Variants in EPSTI1 observed in about 807,000 individuals in gnomAD.
EPSTI1 encodes epithelial stromal interaction 1.
In EPSTI1, 66 loss-of-function variants were observed where a neutral mutation model predicts 49.9. The observed-to-expected ratio is 1.32, with a 90% CI of 1.08 to 1.62. The LOEUF is 1.62. Among genes scored for constraint, EPSTI1 ranks in the 40% most tolerant of loss-of-function variants. The probability of loss-of-function intolerance (pLI) is 0.00; values close to 1 mark genes in which losing one functional copy is unlikely to be tolerated. For missense variants in EPSTI1, 394 were observed against 365.5 expected (o/e 1.08, Z -0.64); for synonymous variants, 137 against 130.7 (o/e 1.05, Z -0.33).
chr13:42,976,423 C>T (rs768043664), intron 1 of EPSTI1, among the ~76,000 whole-genome samples: 28 of 152,266 alleles, frequency 1.8e-4, no homozygotes, highest in Middle Eastern at 3.4e-3. Context: ...TCCAACAAAA[C>T]GTAAGTGTAC....
chr13:42,955,018 A>G lies in EPSTI1; in HGVS notation c.490-997T>C, dbSNP rs569254283. Among the ~76,000 whole-genome samples, 3 of 152,296 alleles carry G rather than the reference A, an allele frequency of 2.0e-5. No homozygotes were observed. In the South Asian group the frequency reaches 6.2e-4, roughly 32 times the overall value. On this transcript the variant is annotated intron_variant, in intron 5 of 10. Transcript: ENST00000313624. ...GAAAGTCTTCATTCACTCAAAACTA[A>G]TTACTAGTCCCATTTTGAAAGGCAA...
At chr13:42,911,002 C>A (rs968755648) in intron 8 of EPSTI1, among the ~76,000 whole-genome samples, 3 of 152,150 alleles carry the variant, frequency 2.0e-5, no homozygotes, top group Non-Finnish European at 4.4e-5. Flanking sequence ...TTATCAATGT[C>A]TTTTTGTGTA....
At chr13:42,913,446 CA>C (rs1481805704) in intron 8 of EPSTI1, among the ~76,000 whole-genome samples, 2 of 152,076 alleles carry the variant, frequency 1.3e-5, no homozygotes, top group African/African-American at 4.8e-5. Flanking sequence ...GCTAAAAAAT[CA>C]TTAAATACAA....
chr13:42,917,211 T>C (rs375503447), intron 8 of EPSTI1, among the ~76,000 whole-genome samples: 4 of 152,274 alleles, frequency 2.6e-5, no homozygotes, highest in African/African-American at 9.6e-5. Context: ...TTCATATATC[T>C]TCGGTTTAAA....
At chr13:42,893,033 T>G (rs1321732995) in intron 10 of EPSTI1, among the ~76,000 whole-genome samples, 1 of 152,236 alleles carries the variant, frequency 6.6e-6, no homozygotes, top group Non-Finnish European at 1.5e-5. Context: ...GATTTTGCAA[T>G]GTGAACATTT....
At chr13:42,964,496 T>C (rs2039550501) in intron 3 of EPSTI1, among the ~76,000 whole-genome samples, 1 of 152,176 alleles carries the variant, frequency 6.6e-6, no homozygotes, top group Non-Finnish European at 1.5e-5. Flanking sequence ...TCCTCCTGCT[T>C]GAATATGACC....
chr13:42,957,936 TTTTC>T (rs1276143944), intron 5 of EPSTI1, among the ~76,000 whole-genome samples: 1 of 152,334 alleles, frequency 6.6e-6, no homozygotes, highest in Admixed American at 6.5e-5. Context: ...TACTGGGATC[TTTTC>T]TTTCTTTCTT....
intron 6 of EPSTI1, among the ~76,000 whole-genome samples, chr13:42,945,309 T>G (rs1254917195): frequency 6.6e-6 from 1 of 152,090 alleles, no homozygotes. Context: ...AGAACAGCAA[T>G]GGGAAAGACC....
rs562988043 is a variant in EPSTI1 at position 42,955,787 on chromosome 13, A to G, written c.490-1766T>C. 6.9e-4 allele frequency among the ~76,000 whole-genome samples: 104 copies of G among 150,292 alleles called. 1 individual carries two copies. The highest frequency in any genetic ancestry group is 3.4e-3 in the Middle Eastern group (1 of 290). ...ATTGCACTCCAGCCTGGGCGACAAG[A>G]GTGAAACTCCATCTCAGAAGAAAAA... On this transcript the variant is annotated intron_variant, in intron 5 of 10. Transcript: ENST00000313624.
chr13:42,961,084 C>T (rs907737939), intron 5 of EPSTI1, among the ~76,000 whole-genome samples: 4 of 152,168 alleles, frequency 2.6e-5, no homozygotes, highest in Non-Finnish European at 4.4e-5. Context: ...CAATAAATAT[C>T]ATACACACAA....
chr13:42,931,429 T>C (rs1327680846), intron 6 of EPSTI1, among the ~76,000 whole-genome samples: 2 of 151,654 alleles, frequency 1.3e-5, no homozygotes, highest in Non-Finnish European at 2.9e-5. Flanking sequence ...ATGGTCTCGA[T>C]CTCCTGACCT....
chr13:42,971,929 A>G (rs960185390), intron 1 of EPSTI1, among the ~76,000 whole-genome samples: 11 of 152,238 alleles, frequency 7.2e-5, no homozygotes, highest in Non-Finnish European at 1.6e-4. Context: ...AACGTTATGA[A>G]TACAAAATTA....
intron 6 of EPSTI1, among the ~76,000 whole-genome samples, chr13:42,949,917 T>C (rs2039045474): frequency 6.6e-6 from 1 of 151,998 alleles, no homozygotes; most frequent in African/African-American, 2.4e-5. Context: ...TTACCCAATG[T>C]TTTAAACAAC....
chr13:42,950,159 T>C (rs1198193459), intron 6 of EPSTI1, among the ~76,000 whole-genome samples: 1 of 152,244 alleles, frequency 6.6e-6, no homozygotes, highest in East Asian at 1.9e-4. Context: ...ATTATGAAAT[T>C]GGAGTCTGTC....
At chr13:42,904,312 C>T (rs2037438874) in intron 8 of EPSTI1, among the ~76,000 whole-genome samples, 1 of 152,154 alleles carries the variant, frequency 6.6e-6, no homozygotes, top group South Asian at 2.1e-4. Context: ...ACAGGCAGTT[C>T]ACAGATAAAC....
intron 10 of EPSTI1, among the ~76,000 whole-genome samples, chr13:42,893,151 T>G (rs1424049268): frequency 6.6e-6 from 1 of 152,254 alleles, no homozygotes; most frequent in South Asian, 2.1e-4. Flanking sequence ...GAGAGGCACC[T>G]TTTGATGTTT....
Position 42,889,265 on chromosome 13 carries a change from T to C in EPSTI1, c.916-763A>G, listed in dbSNP as rs1029229008. 7.1e-6 allele frequency: 10 copies of C among 1,413,032 alleles called. No individual in the cohort carries two copies. In the South Asian group the frequency reaches 8.2e-5, roughly 12 times the overall value. The allele number at this position is 1,413,032 out of a possible 1,614,324, so 87.5% of individuals were successfully genotyped here. A position where few individuals can be genotyped will look rare whatever the true frequency, so the allele number is the denominator to read the frequency against. On this transcript the variant is annotated intron_variant, in intron 10 of 10. Transcript: ENST00000313624. ...ACCCTAGAAAAATAAAAAAATATAT[T>C]TTTTACATATAAAAGCAATTATTGA...
chr13:42,980,117 G>A (rs912917366), intron 1 of EPSTI1, among the ~76,000 whole-genome samples: 2 of 151,770 alleles, frequency 1.3e-5, no homozygotes, highest in Non-Finnish European at 2.9e-5. Flanking sequence ...CTCATGATTC[G>A]ATTAGGTTAA....
At chr13:42,938,453 T>C (rs2038637935) in intron 6 of EPSTI1, among the ~76,000 whole-genome samples, 3 of 152,092 alleles carry the variant, frequency 2.0e-5, no homozygotes, top group Admixed American at 6.5e-5. Flanking sequence ...GCCCTAGGAT[T>C]TTCAGAATGG....
Sources: allele counts gnomAD v4.1 joint callset (sites outside exome capture counted in the v4.1 genomes callset), GRCh38; gene constraint gnomAD v4.1.1; transcripts MANE v1.5; gene names NCBI Gene and HGNC (gene_info 2026-07-23, HGNC 2026-07-21).